The following WT1 variants were observed in gnomAD, a reference collection of about 807,000 sequenced individuals.
WT1 encodes Wilms tumor protein.
WT1 carries 8 observed loss-of-function variants against 60.8 expected under a neutral mutation model. The ratio of observed to expected loss-of-function variants is 0.13; its 90% CI spans 0.08 to 0.24. The LOEUF (loss-of-function observed/expected upper bound fraction) is 0.24, where lower values mean the gene tolerates loss of function less well. Ranked by LOEUF, WT1 falls within the 10% of genes least tolerant of loss-of-function variation. The pLI, the probability that WT1 is intolerant of heterozygous loss-of-function variation, is 1.00. For missense variants in WT1, 568 were observed against 711.8 expected, an observed-to-expected ratio of 0.80 and a Z score of 2.30; for synonymous variants, 312 against 297.1, an observed-to-expected ratio of 1.05 and a Z score of -0.52.
At chr11:32,425,560 G>T (rs910831654) in intron 3 of WT1, among the ~76,000 whole-genome samples, 9 of 152,154 alleles carry the variant, frequency 5.9e-5, no homozygotes, top group Admixed American at 4.6e-4. Flanking sequence ...TCCTACACCT[G>T]CCCATTCATC....
rs772409488 is a variant in WT1 at position 32,428,567 on chromosome 11, C to T, written c.714G>A (p.Ser238=). The T allele has an allele frequency of 6.2e-7, 1 of 1,613,868 alleles. No homozygotes were observed. Among genetic ancestry groups the T allele is most frequent in the African/African-American group, 1.3e-5 (1 of 74,898 alleles). The change falls in exon 2 of 10, where the codon TCG becomes TCA. Residue 238 remains serine, a synonymous_variant. Transcript: ENST00000452863. ...GGTTGGGGAACTGCGCCGCATGGTG[C>T]GAGGGCGTGTGACCGTAGCTGGGCG...
chr11:32,428,383 G>A, intron 2 of WT1, 114 bp downstream of exon 2: 3 of 1,546,652 alleles, frequency 1.9e-6, no homozygotes, highest in Non-Finnish European at 2.6e-6. Flanking sequence ...TGATTTCTAA[G>A]GTCCTTTTAG....
chr11:32,416,201 A>AATTTAGT (rs2133030842), intron 5 of WT1, among the ~76,000 whole-genome samples: 1 of 152,312 alleles, frequency 6.6e-6, no homozygotes, highest in South Asian at 2.1e-4. Context: ...TAATGCCACA[A>AATTTAGT]ATTTAGTATT....
At chr11:32,434,512 G>C (rs921087158) in intron 1 of WT1, among the ~76,000 whole-genome samples, 188 bp downstream of exon 1, 3 of 152,202 alleles carry the variant, frequency 2.0e-5, no homozygotes, top group Non-Finnish European at 2.9e-5. Context: ...GATGTCGGGG[G>C]CCAGTGCCTG....
chr11:32,420,494 C>T, intron 3 of WT1, among the ~76,000 whole-genome samples: 2 of 152,144 alleles, frequency 1.3e-5, no homozygotes, highest in East Asian at 3.9e-4. Flanking sequence ...AAATTTTGCA[C>T]AGCACTTTCA....
chr11:32,429,099 C>A (rs755995892), intron 1 of WT1: 16 of 274,560 alleles, frequency 5.8e-5, no homozygotes, highest in Non-Finnish European at 1.1e-4. Context: ...ATTAATTACT[C>A]GGAGCCAGTT....
chr11:32,431,385 G>A (rs1410049611), intron 1 of WT1, among the ~76,000 whole-genome samples: 2 of 151,852 alleles, frequency 1.3e-5, no homozygotes, highest in African/African-American at 4.8e-5. Flanking sequence ...ATGCCTTAGG[G>A]TTCTGCGAGC....
chr11:32,412,503 A>C (rs1413405652), intron 5 of WT1, among the ~76,000 whole-genome samples: 1 of 151,974 alleles, frequency 6.6e-6, no homozygotes, highest in Non-Finnish European at 1.5e-5. Flanking sequence ...GTGTTTCTCC[A>C]TTTTGCAGGA....
intron 5 of WT1, among the ~76,000 whole-genome samples, chr11:32,408,373 G>A (rs1158024373): frequency 6.6e-6 from 1 of 151,766 alleles, no homozygotes; most frequent in Non-Finnish European, 1.5e-5. Context: ...ACATTAGCCG[G>A]GTGTCGTGGC....
rs587778756 is a variant in WT1, at chr11:32,399,969, G to T, written c.1092C>A (p.His364Gln). Residue 364 changes from histidine to glutamine, a missense_variant, in exon 6 of 10, where the codon CAC (histidine) becomes CAA (glutamine). Coordinates refer to ENST00000452863, the MANE Select transcript of WT1 (RefSeq NM_024426.6). ...TCACCTGAATGCCTCTGAAGACACC[G>T]TGCGTGTGTATTCTGTATTGGGCTC... 12 of 1,614,072 alleles carry T rather than the reference G, an allele frequency of 7.4e-6. No homozygotes were observed. Among genetic ancestry groups the T allele is most frequent in the Middle Eastern group, 3.3e-4 (2 of 6,078 alleles).
intron 1 of WT1, chr11:32,430,458 GAGAGAGAGAGAGAGAGAGAGA>G: frequency 3.1e-6 from 1 of 323,542 alleles, no homozygotes; most frequent in Non-Finnish European, 5.2e-6. Context: ...GAGGGAGGGA[GAGAGAGAGAGAGAGAGAGAGA>G]GAGAGAGAGA....
At chr11:32,423,655 T>C (rs1852926443) in intron 3 of WT1, among the ~76,000 whole-genome samples, 1 of 152,202 alleles carries the variant, frequency 6.6e-6, no homozygotes, top group Non-Finnish European at 1.5e-5. Context: ...TGCCTGAATT[T>C]GAACACCACT....
At chr11:32,412,412 G>A (rs2133014188) in intron 5 of WT1, among the ~76,000 whole-genome samples, 1 of 152,044 alleles carries the variant, frequency 6.6e-6, no homozygotes, top group African/African-American at 2.4e-5. Flanking sequence ...TATTGTGTTC[G>A]ATTTCCCACT....
chr11:32,422,045 C>A (rs1025647355), intron 3 of WT1, among the ~76,000 whole-genome samples: 5 of 152,200 alleles, frequency 3.3e-5, no homozygotes, highest in Non-Finnish European at 7.3e-5. Context: ...TGTCCCACAC[C>A]AACAGAAAGG....
intron 9 of WT1, among the ~76,000 whole-genome samples, chr11:32,391,079 G>A (rs1022860545): frequency 7.9e-5 from 12 of 152,090 alleles, no homozygotes; most frequent in Admixed American, 3.9e-4. Flanking sequence ...CCCAAGCAAG[G>A]TCTAGTGAGC....
chr11:32,430,468 G>T, intron 1 of WT1: 2 of 1,519,776 alleles, frequency 1.3e-6, no homozygotes, highest in Non-Finnish European at 1.8e-6. Flanking sequence ...GAGAGAGAGA[G>T]AGAGAGAGAG....
chr11:32,417,485 C>T, intron 4 of WT1, 92 bp downstream of exon 4: 2 of 1,189,022 alleles, frequency 1.7e-6, no homozygotes, highest in Non-Finnish European at 2.5e-6. Context: ...TCTTCTAAAA[C>T]TGTACTTTCT....
rs761913397 is a variant in WT1 at position 32,428,586 on chromosome 11, C to G, written c.695G>C (p.Ser232Thr). The stretch of plus-strand genomic sequence containing the variant: ...ATGGTGCGAGGGCGTGTGACCGTAG[C>G]TGGGCGTCCCGTCGAAGGTGACCGT... Residue 232 changes from serine to threonine, a missense_variant, in exon 2 of 10, where the codon AGC becomes ACC. Physicochemically the swap from Ser to Thr is moderately conservative, Grantham distance 58. This residue lies in a region of WT1 where 523 missense variants were observed against 565.1 expected (regional missense o/e 0.93). Transcript: ENST00000452863. The G allele has an allele frequency of 6.3e-5, 101 of 1,613,848 alleles. 2 individuals carry two copies. The South Asian group carries it at 1.1e-3, about 17-fold the overall frequency.
rs768644520 is a variant in WT1 at position 32,434,805 on chromosome 11, C to A, written c.556G>T (p.Gly186Cys). ...GACGCCTGGCTGGGCGGAGGAGGACCGAAGGGCCCGTAGCGACAGGCTCCG... is the reference window on the plus strand; with the variant it reads ...GACGCCTGGCTGGGCGGAGGAGGACAGAAGGGCCCGTAGCGACAGGCTCCG... The change falls in exon 1 of 10, where the codon GGT becomes TGT. Residue 186 changes from glycine to cysteine, a missense_variant. Physicochemically the swap from Gly to Cys is radical, Grantham distance 159. This residue lies in a region of WT1 where 523 missense variants were observed against 565.1 expected (regional missense o/e 0.93). Coordinates refer to ENST00000452863, the MANE Select transcript of WT1 (RefSeq NM_024426.6). 1.2e-6 allele frequency: 2 copies of A among 1,612,476 alleles called. No individual in the cohort carries two copies. Among genetic ancestry groups the A allele is most frequent in the South Asian group, 1.1e-5 (1 of 91,000 alleles).
Sources: gnomAD v4.1 joint callset for allele counts (sites outside exome capture counted in the v4.1 genomes callset) on GRCh38, gnomAD v4.1.1 for gene constraint, gnomAD v4.1.1 regional missense constraint, MANE v1.5 for transcripts, NCBI Gene and HGNC (gene_info 2026-07-23, HGNC 2026-07-21) for gene names.